The following ABCG5 variants were observed in gnomAD, a reference collection of about 807,000 sequenced individuals.
ABCG5 encodes ATP-binding cassette sub-family G member 5.
ABCG5 carries 64 observed loss-of-function variants against 64.5 expected under a neutral mutation model. The ratio of observed to expected loss-of-function variants is 0.99; its 90% CI spans 0.81 to 1.22. The LOEUF (loss-of-function observed/expected upper bound fraction) is 1.22. Among genes scored for constraint, ABCG5 ranks in the 50% most tolerant of loss-of-function variants. The probability of loss-of-function intolerance (pLI) is 0.00; values close to 1 mark genes in which losing one functional copy is unlikely to be tolerated. For missense variants in ABCG5, 908 were observed against 829.5 expected (o/e 1.09, Z -1.16); for synonymous variants, 385 against 326.3 (o/e 1.18, Z -1.94).
intron 2 of ABCG5, among the ~76,000 whole-genome samples, chr2:43,833,548 AATTTTTTTTGTATTTTT>A (rs1307500613): frequency 6.6e-6 from 1 of 151,292 alleles, no homozygotes; most frequent in African/African-American, 2.4e-5. Flanking sequence ...ATGCCCAACT[AATTTTTTTTGTATTTTT>A]AGTAGAGATG....
intron 6 of ABCG5, among the ~76,000 whole-genome samples, chr2:43,826,163 TTTC>T (rs1029899134): frequency 1.3e-5 from 2 of 150,742 alleles, no homozygotes; most frequent in African/African-American, 4.9e-5. Flanking sequence ...TCTTTCTTTC[TTTC>T]TTTTTTTTTT....
chr2:43,810,487 C>A, downstream of ABCG5: 2 of 985,388 alleles, frequency 2.0e-6, no homozygotes, highest in Non-Finnish European at 2.4e-6. Context: ...CCATTCCAAT[C>A]TGTAGATGTG....
intron 10 of ABCG5, among the ~76,000 whole-genome samples, chr2:43,821,619 G>C (rs1667208552): frequency 1.3e-5 from 2 of 152,132 alleles, no homozygotes; most frequent in Admixed American, 1.3e-4. Flanking sequence ...TGGAAGGTGT[G>C]CTGGACAATG....
rs1403673533 is a variant in ABCG5 at position 43,837,897 on chromosome 2, T to A, written c.202A>T (p.Ile68Phe). The A allele has an allele frequency of 3.1e-6, 5 of 1,614,058 alleles. No homozygotes were observed. Among genetic ancestry groups the A allele is most frequent in the Non-Finnish European group, 4.2e-6 (5 of 1,180,010 alleles). ...TSCRQQWTRQILKDVSLYVES... is the reference protein window; with the variant it reads ...TSCRQQWTRQFLKDVSLYVES... Reference sequence around the variant, plus strand: ...ACGTACAAGGAGACATCTTTGAGGATCTGCCTGGTCCACTGCTGCCGGCAA... The same window carrying A: ...ACGTACAAGGAGACATCTTTGAGGAACTGCCTGGTCCACTGCTGCCGGCAA... The change falls in exon 2 of 13, where the codon ATC becomes TTC. Residue 68 changes from isoleucine to phenylalanine, a missense_variant. Coordinates refer to ENST00000405322, the MANE Select transcript of ABCG5 (RefSeq NM_022436.3).
At chr2:43,810,045 A>AT, downstream of ABCG5, 1 of 810,262 alleles carries the variant, frequency 1.2e-6, no homozygotes, top group Non-Finnish European at 1.6e-6. Context: ...TTCAGCATGT[A>AT]TAAGTTTCTG....
intron 2 of ABCG5, among the ~76,000 whole-genome samples, chr2:43,836,856 G>T (rs973382525): frequency 2.6e-5 from 4 of 151,970 alleles, no homozygotes; most frequent in African/African-American, 9.7e-5. Context: ...TAGCAAGAAC[G>T]CTGTCTCTAC....
chr2:43,824,105 T>G lies in ABCG5; in HGVS notation c.1132A>C (p.Asn378His). The G allele has an allele frequency of 6.2e-7, 1 of 1,614,208 alleles. No individual in the cohort carries two copies. Among genetic ancestry groups the G allele is most frequent in the Non-Finnish European group, 8.5e-7 (1 of 1,180,024 alleles). Residue 378 changes from asparagine (N) to histidine (H), a missense_variant, in exon 9 of 13, where the codon AAC (asparagine) becomes CAC (histidine). Physicochemically the swap from Asn to His is moderately conservative, Grantham distance 68. Transcript: ENST00000405322. Reference sequence around the variant, plus strand: ...ACTGCCAGCTTATTTCTCACCAAGTTTCTTGTCACTCTCCTGAAAACAAAC... The same window carrying G: ...ACTGCCAGCTTATTTCTCACCAAGTGTCTTGTCACTCTCCTGAAAACAAAC... ...LGVLLRRVTR[N>H]LVRNKLAVIT...
intron 2 of ABCG5, among the ~76,000 whole-genome samples, chr2:43,837,133 T>C (rs916394551): frequency 6.6e-6 from 1 of 151,764 alleles, no homozygotes; most frequent in African/African-American, 2.4e-5. Context: ...TTTTTTTTTT[T>C]TTTTGAGACA....
chr2:43,822,745 G>A, intron 10 of ABCG5, 52 bp downstream of exon 10: 1 of 1,613,198 alleles, frequency 6.2e-7, no homozygotes. Context: ...AGTCCCACTA[G>A]CTCCATGACT....
chr2:43,826,336 A>T, intron 6 of ABCG5, 46 bp downstream of exon 6: 1 of 1,612,720 alleles, frequency 6.2e-7, no homozygotes, highest in Non-Finnish European at 8.5e-7. Context: ...TGTGATTCCC[A>T]GCTCAACACA....
intron 10 of ABCG5, among the ~76,000 whole-genome samples, chr2:43,821,956 C>G (rs891177027): frequency 2.0e-5 from 3 of 152,130 alleles, no homozygotes; most frequent in Non-Finnish European, 4.4e-5. Context: ...TCTGATTCCC[C>G]TATCCCTACC....
At chr2:43,809,863 A>G, downstream of ABCG5, 1 of 1,480,114 alleles carries the variant, frequency 6.8e-7, no homozygotes, top group Non-Finnish European at 8.9e-7. Context: ...GAAGAAAGTT[A>G]AACTGTATAA....
intron 4 of ABCG5, among the ~76,000 whole-genome samples, chr2:43,829,389 G>A (rs961636390): frequency 3.3e-5 from 5 of 152,066 alleles, no homozygotes; most frequent in Admixed American, 6.5e-5. Flanking sequence ...GGACTTTAAT[G>A]GGGACCCAAT....
chr2:43,834,589 A>G (rs1434559677), intron 2 of ABCG5, among the ~76,000 whole-genome samples: 1 of 152,220 alleles, frequency 6.6e-6, no homozygotes. Context: ...AACCAGCAAG[A>G]TGACAAAGCT....
At position 43,813,382 on chromosome 2, in the gene ABCG5, C is replaced by T. The variant is rs911404180; in HGVS notation, c.1763-73G>A. ...ATTTAATCAACAAGTATTTACCAAG[C>T]GCTTGCTAAGTACCCTTAATGAAAA... is the stretch of plus-strand genomic sequence containing the variant. On this transcript the variant is annotated intron_variant, in intron 12 of 12. Transcript: ENST00000405322. 25 of 1,106,132 alleles carry T rather than the reference C, an allele frequency of 2.3e-5. No individual in the cohort carries two copies. The Admixed American group carries it at 2.7e-4, about 12-fold the overall frequency. The allele number at this position is 1,106,132 out of a possible 1,614,324, so 68.5% of individuals were successfully genotyped here.
chr2:43,818,301 G>A (rs911261768), intron 11 of ABCG5, among the ~76,000 whole-genome samples: 7 of 151,984 alleles, frequency 4.6e-5, no homozygotes, highest in Non-Finnish European at 1.0e-4. Flanking sequence ...AAAATTAGCC[G>A]AGCATGGTGG....
Position 43,813,323 on chromosome 2 carries a change from G to T in ABCG5, c.1763-14C>A. ...CATTTGAGCTGCCTGTCAAGGAAAA[G>T]ATTGACAGTGTCAGGTGTGGTTTAT... On this transcript the variant is annotated splice_polypyrimidine_tract_variant and intron_variant, in intron 12 of 12. Coordinates refer to ENST00000405322, the MANE Select transcript of ABCG5 (RefSeq NM_022436.3). 1 of 1,567,770 alleles carries T rather than the reference G, an allele frequency of 6.4e-7. No homozygotes were observed. The highest frequency in any genetic ancestry group is 1.1e-5 in the South Asian group (1 of 89,476).
At chr2:43,813,862 G>C (rs1666645881) in intron 12 of ABCG5, among the ~76,000 whole-genome samples, 1 of 151,516 alleles carries the variant, frequency 6.6e-6, no homozygotes, top group Non-Finnish European at 1.5e-5. Context: ...GGATTTACAG[G>C]CACGCACCAC....
intron 4 of ABCG5, among the ~76,000 whole-genome samples, chr2:43,829,152 G>A (rs746757961): frequency 1.7e-4 from 26 of 152,006 alleles, no homozygotes; most frequent in South Asian, 2.1e-4. Context: ...TTACAATATC[G>A]CTTACTTTCA....
Sources: allele counts gnomAD v4.1 joint callset (sites outside exome capture counted in the v4.1 genomes callset), GRCh38; gene constraint gnomAD v4.1.1; transcripts MANE v1.5; gene names NCBI Gene and HGNC (gene_info 2026-07-23, HGNC 2026-07-21).